Variants in DGKI observed in about 807,000 individuals in gnomAD.
The protein encoded by DGKI is DAG kinase iota.
DGKI carries 55 observed loss-of-function variants against 147.5 expected under a neutral mutation model. The observed-to-expected ratio is 0.37, with a 90% CI of 0.30 to 0.47. DGKI has a LOEUF of 0.47. Ranked by LOEUF, DGKI falls within the 20% of genes least tolerant of loss-of-function variation. The pLI is 1.00. For synonymous variants in DGKI, 469 were observed against 477.1 expected, an observed-to-expected ratio of 0.98 and a Z score of 0.22; for missense variants, 1,007 against 1,323.8, an observed-to-expected ratio of 0.76 and a Z score of 3.71.
chr7:137,387,253 T>G lies in DGKI; in HGVS notation c.*3967A>C, dbSNP rs1811202788. On this transcript the variant is annotated 3_prime_UTR_variant, in exon 33 of 33. Coordinates refer to ENST00000614521, the MANE Select transcript of DGKI (RefSeq NM_001321708.2). ...ATAGCATAGATAAGTCTTGGGGCTATGGTAGGTTTCATGCTTCATGGAAGG... is the reference window on the plus strand; with the variant it reads ...ATAGCATAGATAAGTCTTGGGGCTAGGGTAGGTTTCATGCTTCATGGAAGG... The G allele has an allele frequency of 6.6e-6, 1 of 152,152 alleles. No homozygotes were observed. Among genetic ancestry groups the G allele is most frequent in the African/African-American group, 2.4e-5 (1 of 41,440 alleles). The allele number at this position is 152,152 out of a possible 1,614,324, so 9.4% of individuals were successfully genotyped here.
intron 1 of DGKI, among the ~76,000 whole-genome samples, chr7:137,843,837 C>T (rs1244787168): frequency 6.6e-6 from 1 of 150,956 alleles, no homozygotes; most frequent in Non-Finnish European, 1.5e-5. Context: ...TGTCAAGTTT[C>T]ATTCCAAAAA....
intron 6 of DGKI, among the ~76,000 whole-genome samples, chr7:137,644,557 G>C (rs1189587379): frequency 6.6e-6 from 1 of 152,146 alleles, no homozygotes; most frequent in Non-Finnish European, 1.5e-5. Flanking sequence ...ATGCTGCACT[G>C]GGCAGCTCAC....
chr7:137,739,406 T>C (rs557404546), intron 1 of DGKI, among the ~76,000 whole-genome samples: 1 of 152,272 alleles, frequency 6.6e-6, no homozygotes, highest in South Asian at 2.1e-4. Context: ...CCTCCTTCCA[T>C]GTTAAAAACT....
intron 20 of DGKI, among the ~76,000 whole-genome samples, chr7:137,529,222 G>A (rs1429240700): frequency 6.6e-6 from 1 of 151,940 alleles, no homozygotes; most frequent in Non-Finnish European, 1.5e-5. Context: ...TACTTAATGG[G>A]TACAACATAT....
At chr7:137,448,484 G>C (rs1004755433) in intron 27 of DGKI, among the ~76,000 whole-genome samples, 2 of 147,888 alleles carry the variant, frequency 1.4e-5, no homozygotes, top group African/African-American at 5.0e-5. Context: ...TTTAGAAATG[G>C]AGGGAAGGAA....
At chr7:137,619,961 G>A in intron 7 of DGKI, 21 bp from the exon 8 acceptor site, 1 of 1,575,780 alleles carries the variant, frequency 6.3e-7, no homozygotes, top group South Asian at 1.1e-5. Flanking sequence ...AAATAAGCCA[G>A]TAAACAATTC....
chr7:137,457,876 G>A (rs113981543), intron 27 of DGKI, among the ~76,000 whole-genome samples: 5,871 of 150,598 alleles, frequency 0.039, 165 homozygotes, highest in Non-Finnish European at 0.06. Context: ...TGACATTTTC[G>A]TTAATTCTTT....
At chr7:137,414,823 T>C (rs1222242738) in intron 28 of DGKI, among the ~76,000 whole-genome samples, 3 of 152,198 alleles carry the variant, frequency 2.0e-5, no homozygotes, top group African/African-American at 7.2e-5. Context: ...CTACAATTTA[T>C]TGGACACATA....
At chr7:137,760,871 G>C (rs899719398) in intron 1 of DGKI, among the ~76,000 whole-genome samples, 2 of 151,994 alleles carry the variant, frequency 1.3e-5, no homozygotes, top group Non-Finnish European at 2.9e-5. Flanking sequence ...CAGTCCAGAG[G>C]GACGACATTT....
intron 1 of DGKI, among the ~76,000 whole-genome samples, chr7:137,784,711 C>T (rs1323155147): frequency 1.3e-5 from 2 of 151,954 alleles, no homozygotes; most frequent in East Asian, 3.9e-4. Flanking sequence ...CCAAGATAGA[C>T]CATATGATAG....
rs147035888 is a variant in DGKI at position 137,497,320 on chromosome 7, G to A, written c.2249-9631C>T. On this transcript the variant is annotated intron_variant, in intron 21 of 32. Transcript: ENST00000614521. ...ATGCTGATGAGGTTGTGGAGAAAAC[G>A]GAGTGCTTATACACTGCTAATGGGA... Among the ~76,000 whole-genome samples, 543 of 152,194 alleles carry A rather than the reference G, an allele frequency of 3.6e-3. 3 individuals carry two copies. Among genetic ancestry groups the A allele is most frequent in the Admixed American group, 5.3e-3 (81 of 15,280 alleles).
At chr7:137,397,551 A>G (rs1260366558) in intron 30 of DGKI, 138 bp from the exon 31 acceptor site, 12 of 744,030 alleles carry the variant, frequency 1.6e-5, no homozygotes, top group Non-Finnish European at 2.4e-5. Flanking sequence ...AAAGAAAAAT[A>G]AAAGGATTCC....
At chr7:137,744,846 T>C (rs1429327766) in intron 1 of DGKI, among the ~76,000 whole-genome samples, 1 of 152,150 alleles carries the variant, frequency 6.6e-6, no homozygotes, top group Non-Finnish European at 1.5e-5. Flanking sequence ...CCAACATCCG[T>C]TTATGATATA....
chr7:137,403,128 G>A (rs1026024579), intron 30 of DGKI, among the ~76,000 whole-genome samples: 1 of 152,062 alleles, frequency 6.6e-6, no homozygotes. Context: ...GCTGAAAAGC[G>A]GGAAGCACTG....
intron 23 of DGKI, among the ~76,000 whole-genome samples, chr7:137,484,887 A>T (rs112590296): frequency 6.6e-5 from 10 of 152,120 alleles, no homozygotes; most frequent in African/African-American, 2.4e-4. Flanking sequence ...GAGATGATGG[A>T]AAAAAACATA....
At chr7:137,691,735 T>C (rs1823609540) in intron 1 of DGKI, among the ~76,000 whole-genome samples, 1 of 151,160 alleles carries the variant, frequency 6.6e-6, no homozygotes, top group Non-Finnish European at 1.5e-5. Flanking sequence ...GAATCCAGGA[T>C]TGTGCAACCA....
In DGKI at chr7:137,673,987, T is replaced by A. The variant is rs1004818748; in HGVS notation, c.606+4570A>T. Among the ~76,000 whole-genome samples, 5 of 152,300 alleles carry A rather than the reference T, an allele frequency of 3.3e-5. No homozygotes were observed. The East Asian group carries it at 9.6e-4, about 29-fold the overall frequency. ...GAATGAATAAATGAATAAATGTACA[T>A]AAAAATAAATGTCACCAAACGACAG... On this transcript the variant is annotated intron_variant, in intron 3 of 32. Transcript: ENST00000614521.
intron 20 of DGKI, 25 bp downstream of exon 20, chr7:137,552,344 C>G: frequency 6.2e-7 from 1 of 1,611,516 alleles, no homozygotes; most frequent in Admixed American, 1.7e-5. Flanking sequence ...TCATGTTAAG[C>G]AAGGTAGGCC....
At chr7:137,422,992 G>A (rs1812640531) in intron 28 of DGKI, among the ~76,000 whole-genome samples, 1 of 152,114 alleles carries the variant, frequency 6.6e-6, no homozygotes, top group Admixed American at 6.5e-5. Context: ...GAAATAATAT[G>A]TGTGTTGGAA....
Sources: allele counts gnomAD v4.1 joint callset (sites outside exome capture counted in the v4.1 genomes callset), GRCh38; gene constraint gnomAD v4.1.1; transcripts MANE v1.5; gene names NCBI Gene and HGNC (gene_info 2026-07-23, HGNC 2026-07-21).